RCOR1: variants seen among roughly 807,000 people sequenced by gnomAD.
The protein encoded by RCOR1 is REST corepressor.
RCOR1 carries 12 observed loss-of-function variants against 64.0 expected under a neutral mutation model. The observed-to-expected ratio is 0.19, with a 90% CI of 0.12 to 0.30. The LOEUF (loss-of-function observed/expected upper bound fraction) is 0.30. RCOR1 is among the 10% of genes least tolerant of loss of function. RCOR1 has a pLI of 1.00. For synonymous variants in RCOR1, 279 were observed against 227.2 expected (o/e 1.23, Z -2.05); for missense variants, 502 against 621.2 (o/e 0.81, Z 2.04).
intron 2 of RCOR1, among the ~76,000 whole-genome samples, chr14:102,656,502 TCTCA>T (rs1364187731): frequency 6.6e-6 from 1 of 151,800 alleles, no homozygotes; most frequent in Non-Finnish European, 1.5e-5. Context: ...TGAGATGGAG[TCTCA>T]CTCTGTCACC....
At chr14:102,599,859 G>A (rs1893349778) in intron 2 of RCOR1, among the ~76,000 whole-genome samples, 1 of 148,880 alleles carries the variant, frequency 6.7e-6, no homozygotes, top group Non-Finnish European at 1.5e-5. Flanking sequence ...CTAGAGTGCA[G>A]TGGCCCTGAT....
At chr14:102,671,365 TCTC>T (rs773114480) in intron 2 of RCOR1, among the ~76,000 whole-genome samples, 8 of 152,054 alleles carry the variant, frequency 5.3e-5, no homozygotes, top group Non-Finnish European at 8.8e-5. Context: ...TAACCTGTCT[TCTC>T]CTTCCAGTTA....
chr14:102,719,840 G>A lies in RCOR1; in HGVS notation c.1054-1167G>A, dbSNP rs1261457525. 3.9e-5 allele frequency among the ~76,000 whole-genome samples: 6 copies of A among 152,300 alleles called. No homozygotes were observed. The South Asian group carries it at 6.2e-4, about 16-fold the overall frequency. ...AGAGTGGTCTGTTTCACTGGAATGCGAAGAGGACATGTAATATTCTAAACC... is the reference window on the plus strand; with the variant it reads ...AGAGTGGTCTGTTTCACTGGAATGCAAAGAGGACATGTAATATTCTAAACC... On this transcript the variant is annotated intron_variant, in intron 8 of 11. Transcript: ENST00000262241.
At position 102,714,434 on chromosome 14, in the gene RCOR1, T is replaced by G; in HGVS notation, c.870T>G (p.Thr290=). The G allele has an allele frequency of 1.2e-6, 2 of 1,607,744 alleles. No homozygotes were observed. Among genetic ancestry groups the G allele is most frequent in the Non-Finnish European group, 1.7e-6 (2 of 1,176,262 alleles). The part of the protein sequence containing the change: ...NKESKKEVPP[T]ETVPQVKKEK... Reference sequence around the variant, plus strand: ...TGTATATCATGCAGGTTCCCCCTACTGAGACAGTTCCTCAGGTCAAAAAAG... The same window carrying G: ...TGTATATCATGCAGGTTCCCCCTACGGAGACAGTTCCTCAGGTCAAAAAAG... Residue 290 remains threonine (T), a synonymous_variant, in exon 8 of 12, where the codon ACT becomes ACG. Transcript: ENST00000262241.
intron 2 of RCOR1, chr14:102,655,860 A>G (rs944452985): frequency 1.3e-5 from 6 of 471,834 alleles, no homozygotes; most frequent in African/African-American, 1.3e-4. Context: ...GGCTGAGGCA[A>G]GAGAATTCCT....
chr14:102,669,050 A>T (rs1446986969), intron 2 of RCOR1, among the ~76,000 whole-genome samples: 1 of 152,040 alleles, frequency 6.6e-6, no homozygotes, highest in Admixed American at 6.6e-5. Flanking sequence ...CAGATATTTA[A>T]TGTAATCCCA....
chr14:102,665,369 C>T (rs1203298397), intron 2 of RCOR1, among the ~76,000 whole-genome samples: 1 of 149,106 alleles, frequency 6.7e-6, no homozygotes, highest in Non-Finnish European at 1.5e-5. Context: ...TGCCCAACTA[C>T]AGGCTAATGT....
chr14:102,681,577 C>A (rs1321170514), intron 2 of RCOR1, among the ~76,000 whole-genome samples: 1 of 152,222 alleles, frequency 6.6e-6, no homozygotes, highest in Non-Finnish European at 1.5e-5. Context: ...AAGGGTGCTG[C>A]AAGCACACAT....
chr14:102,608,701 C>G (rs756963263), intron 2 of RCOR1, among the ~76,000 whole-genome samples: 1 of 151,912 alleles, frequency 6.6e-6, no homozygotes, highest in Non-Finnish European at 1.5e-5. Flanking sequence ...TCCCAAAGTG[C>G]TGGGGTTACA....
In RCOR1 at chr14:102,628,471, CTCTTT is replaced by C. The variant is rs1396317418; in HGVS notation, c.361+35153_361+35157del. Among the ~76,000 whole-genome samples the C allele has an allele frequency of 8.6e-5, 13 of 151,976 alleles. No individual in the cohort carries two copies. In the East Asian group the frequency reaches 2.1e-3, roughly 25 times the overall value. On this transcript the variant is annotated intron_variant, in intron 2 of 11. Transcript: ENST00000262241. ...CTCCCCCGCTTTTCTCTCTCTCTCT[CTCTTT>C]TCTTTTTTTGTTTTTTTGGAGACTG...
At chr14:102,712,960 T>TTG (rs1338654962) in intron 7 of RCOR1, among the ~76,000 whole-genome samples, 1 of 141,934 alleles carries the variant, frequency 7.0e-6, no homozygotes, top group Non-Finnish European at 1.5e-5. Context: ...TTTTTTTTTT[T>TTG]TTTTTTTTTT....
Position 102,593,321 on chromosome 14 carries a change from C to T in RCOR1, c.357C>T (p.Asp119=), listed in dbSNP as rs1193097135. ...ACCAGGCGGTGGTGCCCGACTTCGA[C>T]CCCGGTGAGTAGCGGCCCCGGCCGG... ...PQYQAVVPDF[D]PAKLARRSQE... Residue 119 remains aspartate (D), a synonymous_variant, in exon 2 of 12, where the codon GAC becomes GAT. Coordinates refer to ENST00000262241, the MANE Select transcript of RCOR1 (RefSeq NM_015156.4). 1.9e-6 allele frequency: 3 copies of T among 1,545,468 alleles called. No homozygotes were observed. The highest frequency in any genetic ancestry group is 2.6e-5 in the East Asian group (1 of 38,038).
intron 2 of RCOR1, among the ~76,000 whole-genome samples, chr14:102,617,328 A>G (rs1019032934): frequency 6.6e-6 from 1 of 152,244 alleles, no homozygotes; most frequent in African/African-American, 2.4e-5. Context: ...TAGCGTTTCA[A>G]GAGCATAATT....
chr14:102,611,869 T>TC (rs1379079698), intron 2 of RCOR1, among the ~76,000 whole-genome samples: 5 of 152,204 alleles, frequency 3.3e-5, no homozygotes, highest in African/African-American at 4.8e-5. Flanking sequence ...TCTTGCTCTG[T>TC]CACTCAGGCT....
intron 2 of RCOR1, among the ~76,000 whole-genome samples, chr14:102,671,419 G>A (rs539807139): frequency 4.7e-4 from 72 of 152,112 alleles, no homozygotes; most frequent in African/African-American, 1.5e-3. Context: ...AAAGAGACAG[G>A]GTCTCTCCCT....
chr14:102,623,732 T>C (rs1254082042), intron 2 of RCOR1, among the ~76,000 whole-genome samples: 1 of 151,198 alleles, frequency 6.6e-6, no homozygotes, highest in Non-Finnish European at 1.5e-5. Flanking sequence ...ATTAATCTCA[T>C]GTTGACTTGG....
At chr14:102,680,838 C>G (rs577532066) in intron 2 of RCOR1, among the ~76,000 whole-genome samples, 2 of 152,246 alleles carry the variant, frequency 1.3e-5, no homozygotes, top group South Asian at 4.1e-4. Context: ...GTCACTCCAT[C>G]TTTTTTGTCA....
chr14:102,680,330 T>G (rs1895278635), intron 2 of RCOR1, among the ~76,000 whole-genome samples: 2 of 152,204 alleles, frequency 1.3e-5, no homozygotes, highest in South Asian at 2.1e-4. Flanking sequence ...TGATTGTACC[T>G]TTCCACTGTG....
intron 2 of RCOR1, among the ~76,000 whole-genome samples, chr14:102,606,072 C>T (rs971525274): frequency 3.3e-5 from 5 of 151,678 alleles, no homozygotes; most frequent in African/African-American, 4.8e-5. Context: ...ATTACAGGTG[C>T]GCGCCACCAT....
Sources: allele counts gnomAD v4.1 joint callset (sites outside exome capture counted in the v4.1 genomes callset), GRCh38; gene constraint gnomAD v4.1.1; transcripts MANE v1.5; gene names NCBI Gene and HGNC (gene_info 2026-07-23, HGNC 2026-07-21).